NFIA: variants seen among roughly 807,000 people sequenced by gnomAD.
The protein encoded by NFIA is nuclear factor I A, also known as nuclear factor 1 A-type.
In NFIA, 8 loss-of-function variants were observed where a neutral mutation model predicts 62.8. That is an observed-to-expected ratio of 0.13 (90% CI 0.07 to 0.23). NFIA has a LOEUF of 0.23. NFIA is among the 10% of genes least tolerant of loss of function. NFIA has a pLI of 1.00. For synonymous variants in NFIA, 235 were observed against 238.1 expected (o/e 0.99, Z 0.12); for missense variants, 410 against 642.1 (o/e 0.64, Z 3.91).
intron 2 of NFIA, among the ~76,000 whole-genome samples, chr1:61,205,972 A>G (rs1652871353): frequency 7.2e-6 from 1 of 138,056 alleles, no homozygotes. Context: ...GCTGGAGTGC[A>G]GTGATGCAAT....
upstream of NFIA, chr1:61,077,359 AGAGCGAGC>A (rs544510913): frequency 5.5e-6 from 2 of 366,548 alleles, no homozygotes; most frequent in Non-Finnish European, 4.9e-6. Context: ...AGAGAGAGTG[AGAGCGAGC>A]GAGCGAGCGA....
chr1:61,169,924 T>C (rs1445383676), intron 2 of NFIA, among the ~76,000 whole-genome samples: 1 of 152,230 alleles, frequency 6.6e-6, no homozygotes. Context: ...TCTTCTTTGG[T>C]ATTTAAATAA....
chr1:61,381,771 C>T (rs1664427576), intron 6 of NFIA, among the ~76,000 whole-genome samples: 1 of 152,088 alleles, frequency 6.6e-6, no homozygotes, highest in Non-Finnish European at 1.5e-5. Flanking sequence ...TAGAGGGGAA[C>T]AAAGCAGACA....
chr1:61,249,655 A>G (rs1655891799), intron 2 of NFIA, among the ~76,000 whole-genome samples: 1 of 152,060 alleles, frequency 6.6e-6, no homozygotes, highest in Non-Finnish European at 1.5e-5. Flanking sequence ...AAATACAAAA[A>G]TTAGCTGGGC....
At chr1:61,370,876 G>A (rs146955183) in intron 6 of NFIA, among the ~76,000 whole-genome samples, 33 of 152,246 alleles carry the variant, frequency 2.2e-4, no homozygotes, top group African/African-American at 7.7e-4. Context: ...GTAGTTTAAA[G>A]TTTTCATTTG....
At chr1:61,320,102 T>C (rs2100366072) in intron 3 of NFIA, among the ~76,000 whole-genome samples, 1 of 151,698 alleles carries the variant, frequency 6.6e-6, no homozygotes, top group South Asian at 2.1e-4. Flanking sequence ...ACCACTCCCA[T>C]TCTACTTCTT....
upstream of NFIA, chr1:61,082,394 G>A (rs1192992442): frequency 1.1e-5 from 9 of 833,336 alleles, no homozygotes; most frequent in South Asian, 5.3e-5. Flanking sequence ...GCGGCGGCGC[G>A]AGCGGGCGGC....
chr1:61,138,963 G>A (rs955152438), intron 2 of NFIA, among the ~76,000 whole-genome samples: 1 of 151,738 alleles, frequency 6.6e-6, no homozygotes, highest in Admixed American at 6.6e-5. Context: ...GCCGAGGTAG[G>A]CAGATCACTT....
intron 2 of NFIA, among the ~76,000 whole-genome samples, chr1:61,221,037 A>C (rs758123037): frequency 6.6e-6 from 1 of 152,098 alleles, no homozygotes; most frequent in African/African-American, 2.4e-5. Flanking sequence ...ATATATTTCA[A>C]CTGTAGTATT....
intron 3 of NFIA, among the ~76,000 whole-genome samples, chr1:61,307,878 G>A (rs1659884938): frequency 6.6e-6 from 1 of 152,120 alleles, no homozygotes; most frequent in South Asian, 2.1e-4. Context: ...GAAAATACAG[G>A]CTGTCTTGTC....
intron 3 of NFIA, among the ~76,000 whole-genome samples, chr1:61,322,886 T>C (rs924715660): frequency 6.6e-6 from 1 of 152,178 alleles, no homozygotes; most frequent in Non-Finnish European, 1.5e-5. Context: ...GTGGTTGCCA[T>C]GTAATAGACA....
Position 61,404,281 on chromosome 1 carries a change from A to G in NFIA, c.1253A>G (p.Asn418Ser), listed in dbSNP as rs1268512886. The G allele has an allele frequency of 4.4e-6, 7 of 1,598,550 alleles. No homozygotes were observed. The highest frequency in any genetic ancestry group is 5.1e-6 in the Non-Finnish European group (6 of 1,174,468). The change falls in exon 8 of 11, where the codon AAT (asparagine) becomes AGT (serine). Residue 418 changes from asparagine (N) to serine (S), a missense_variant and splice_region_variant. Physicochemically the swap from Asn to Ser is conservative, Grantham distance 46. Coordinates refer to ENST00000403491, the MANE Select transcript of NFIA (RefSeq NM_001134673.4). ...GQQAGQVGFL[N>S]PNGSSQGKVH... is the part of the protein sequence containing the mutation. ...CAGGCTGGACAGGTGGGGTTCCTCA[A>G]TGTAAGGAAACCTCTTTTTTTCCAT...
upstream of NFIA, among the ~76,000 whole-genome samples, chr1:61,079,486 G>C (rs1339665196): frequency 6.6e-6 from 1 of 152,202 alleles, no homozygotes; most frequent in Admixed American, 6.5e-5. Context: ...GCAAGGCTGG[G>C]CTCTGTGCCA....
At chr1:61,359,718 A>T (rs1243685462) in intron 6 of NFIA, among the ~76,000 whole-genome samples, 1 of 152,092 alleles carries the variant, frequency 6.6e-6, no homozygotes, top group Non-Finnish European at 1.5e-5. Flanking sequence ...AGCTGGGATT[A>T]CAGGCACCTG....
At chr1:61,177,775 C>A (rs1290757357) in intron 2 of NFIA, among the ~76,000 whole-genome samples, 1 of 151,902 alleles carries the variant, frequency 6.6e-6, no homozygotes, top group African/African-American at 2.4e-5. Context: ...TTTGAACCAT[C>A]CTGAATAGAG....
upstream of NFIA, among the ~76,000 whole-genome samples, chr1:61,080,033 G>C (rs1646076772): frequency 6.6e-6 from 1 of 152,136 alleles, no homozygotes; most frequent in Non-Finnish European, 1.5e-5. Context: ...CCGCGGGGGA[G>C]GGAGCGGGAG....
At chr1:61,333,691 T>G (rs1661429164) in intron 4 of NFIA, among the ~76,000 whole-genome samples, 1 of 152,164 alleles carries the variant, frequency 6.6e-6, no homozygotes, top group Non-Finnish European at 1.5e-5. Context: ...TCTATATAAG[T>G]TATTTATCCA....
At chr1:61,385,086 A>G (rs909764236) in intron 7 of NFIA, among the ~76,000 whole-genome samples, 1 of 151,170 alleles carries the variant, frequency 6.6e-6, no homozygotes, top group Non-Finnish European at 1.5e-5. Context: ...ACAAAAAAAA[A>G]TTAGCCAGGT....
intron 9 of NFIA, among the ~76,000 whole-genome samples, chr1:61,410,615 T>C (rs960127508): frequency 6.6e-6 from 1 of 152,074 alleles, no homozygotes; most frequent in Non-Finnish European, 1.5e-5. Flanking sequence ...TAAAAATAAA[T>C]ATAGGGACTG....
Sources: gnomAD v4.1 joint callset for allele counts (sites outside exome capture counted in the v4.1 genomes callset) on GRCh38, gnomAD v4.1.1 for gene constraint, MANE v1.5 for transcripts, NCBI Gene and HGNC (gene_info 2026-07-23, HGNC 2026-07-21) for gene names.